The following ZNF536 variants were observed in gnomAD, a reference collection of about 807,000 sequenced individuals.
ZNF536 encodes the protein zinc finger protein 536.
In ZNF536, 13 loss-of-function variants were observed where a neutral mutation model predicts 84.5. That is an observed-to-expected ratio of 0.15 (90% CI 0.10 to 0.24). The LOEUF (loss-of-function observed/expected upper bound fraction) is 0.24, where lower values mean the gene tolerates loss of function less well. Ranked by LOEUF, ZNF536 falls within the 10% of genes least tolerant of loss-of-function variation. The pLI, the probability that ZNF536 is intolerant of heterozygous loss-of-function variation, is 1.00. For synonymous variants in ZNF536, 811 were observed against 742.5 expected (o/e 1.09, Z -1.50); for missense variants, 1,536 against 1,747.5 (o/e 0.88, Z 2.16).
intron 3 of ZNF536, among the ~76,000 whole-genome samples, chr19:30,535,993 A>G (rs1388060917): frequency 6.6e-6 from 1 of 152,036 alleles, no homozygotes; most frequent in Non-Finnish European, 1.5e-5. Context: ...TCTCCCTGAC[A>G]CCGAGGGAAG....
intron 1 of ZNF536, among the ~76,000 whole-genome samples, chr19:30,648,944 T>G (rs185024834): frequency 1.1e-4 from 16 of 152,324 alleles, no homozygotes; most frequent in African/African-American, 3.8e-4. Flanking sequence ...CTCTGAACTT[T>G]AGGGGGTTCT....
At chr19:30,321,165 G>T (rs1482745321) in intron 2 of ZNF536, among the ~76,000 whole-genome samples, 1 of 152,254 alleles carries the variant, frequency 6.6e-6, no homozygotes, top group East Asian at 1.9e-4. Context: ...AAATCCACCT[G>T]CCCCAGGCTC....
chr19:30,496,989 G>A (rs760758661), intron 2 of ZNF536, among the ~76,000 whole-genome samples: 1 of 152,166 alleles, frequency 6.6e-6, no homozygotes, highest in Non-Finnish European at 1.5e-5. Flanking sequence ...AGCCCTCTGG[G>A]GGAGCTTGGC....
intron 2 of ZNF536, among the ~76,000 whole-genome samples, chr19:30,457,553 C>T (rs549473054): frequency 1.3e-5 from 2 of 152,344 alleles, no homozygotes; most frequent in South Asian, 4.1e-4. Flanking sequence ...TAGGGGGCCT[C>T]CCCGAGGGAG....
intron 2 of ZNF536, among the ~76,000 whole-genome samples, chr19:30,515,576 G>C (rs1208328607): frequency 6.6e-6 from 1 of 152,078 alleles, no homozygotes; most frequent in African/African-American, 2.4e-5. Flanking sequence ...CAGCAGGAAG[G>C]CACCTCAGGA....
At chr19:30,386,389 T>A (rs1466004186) in intron 1 of ZNF536, among the ~76,000 whole-genome samples, 1 of 152,188 alleles carries the variant, frequency 6.6e-6, no homozygotes, top group East Asian at 1.9e-4. Context: ...TCTTACCTCC[T>A]TTTTTGAGAT....
intron 1 of ZNF536, among the ~76,000 whole-genome samples, chr19:30,253,641 C>T (rs2024740021): frequency 6.6e-6 from 1 of 152,190 alleles, no homozygotes; most frequent in South Asian, 2.1e-4. Flanking sequence ...CCTGCTTCCC[C>T]ACCCATGGGC....
At position 30,549,260 on chromosome 19, in the gene ZNF536, C is replaced by A; in HGVS notation, c.3641C>A (p.Thr1214Asn). ...DGGDSLQPTG[T>N]SQPVQGLVSP... is the part of the protein sequence containing the mutation. ...GGGGACAGCCTGCAGCCCACAGGCA[C>A]CTCCCAGCCCGTCCAGGGACTGGTC... is the stretch of plus-strand genomic sequence containing the variant. Residue 1214 changes from threonine (T) to asparagine (N), a missense_variant, in exon 4 of 5, where the codon ACC becomes AAC. Thr to Asn is a moderately conservative substitution (Grantham distance 65). Around this residue, in one of 8 missense-constraint regions of ZNF536, gnomAD observed 624 missense variants for 603.1 expected, o/e 1.03. Transcript: ENST00000355537. 6.2e-7 allele frequency: 1 copy of A among 1,613,916 alleles called. No individual in the cohort carries two copies. The highest frequency in any genetic ancestry group is 8.5e-7 in the Non-Finnish European group (1 of 1,180,040).
intron 1 of ZNF536, among the ~76,000 whole-genome samples, chr19:30,565,986 T>G (rs1325253435): frequency 6.6e-6 from 1 of 152,104 alleles, no homozygotes; most frequent in East Asian, 1.9e-4. Flanking sequence ...ATTTATAACG[T>G]CAGGCTGTGA....
In ZNF536 at chr19:30,642,425, T is replaced by C. The variant is rs75591478; in HGVS notation, c.170-68332T>C. ...TCCTCCATCTCTGGTGGACAGCTGA[T>C]GGCATTTGCCTTCCAGGTTAAGCCC... On this transcript the variant is annotated intron_variant, in intron 1 of 1. Transcript: ENST00000592773. Among the ~76,000 whole-genome samples, 328 of 152,226 alleles carry C rather than the reference T, an allele frequency of 2.2e-3. 17 individuals carry two copies. In the East Asian group the frequency reaches 0.06, roughly 28 times the overall value.
intron 2 of ZNF536, among the ~76,000 whole-genome samples, chr19:30,489,575 C>T (rs368870031): frequency 8.6e-5 from 13 of 151,734 alleles, no homozygotes; most frequent in Middle Eastern, 6.8e-3. Context: ...GAGTGAGACT[C>T]GGTCTCTAAA....
intron 2 of ZNF536, among the ~76,000 whole-genome samples, chr19:30,533,622 G>T (rs2044949545): frequency 2.0e-5 from 3 of 152,214 alleles, no homozygotes; most frequent in Non-Finnish European, 4.4e-5. Flanking sequence ...AACAGACGTT[G>T]AGGAATAAAA....
intron 2 of ZNF536, among the ~76,000 whole-genome samples, chr19:30,495,252 C>T (rs1273491771): frequency 1.3e-5 from 2 of 152,178 alleles, no homozygotes; most frequent in Admixed American, 6.5e-5. Flanking sequence ...GGCTGAGCTG[C>T]GTGAGACCCT....
At chr19:30,407,336 T>C (rs1376065938) in intron 1 of ZNF536, among the ~76,000 whole-genome samples, 1 of 152,210 alleles carries the variant, frequency 6.6e-6, no homozygotes, top group East Asian at 1.9e-4. Flanking sequence ...AACCATGATT[T>C]TCCTCTTCTC....
intron 1 of ZNF536, among the ~76,000 whole-genome samples, chr19:30,699,393 A>G (rs2051798459): frequency 6.6e-6 from 1 of 152,210 alleles, no homozygotes; most frequent in Admixed American, 6.5e-5. Context: ...TACCACACAG[A>G]TCAAAATGCA....
At chr19:30,359,633 C>T (rs968480690) in intron 3 of ZNF536, among the ~76,000 whole-genome samples, 3 of 152,090 alleles carry the variant, frequency 2.0e-5, no homozygotes, top group Non-Finnish European at 4.4e-5. Context: ...CTATCAATGT[C>T]GGCAGTGGGG....
chr19:30,256,710 T>G (rs1693543640), intron 1 of ZNF536, among the ~76,000 whole-genome samples: 1 of 152,178 alleles, frequency 6.6e-6, no homozygotes, highest in African/African-American at 2.4e-5. Context: ...TATTTGGGAT[T>G]CTGTTGTAAT....
downstream of ZNF536, among the ~76,000 whole-genome samples, chr19:30,562,902 T>C (rs2046223589): frequency 6.6e-6 from 1 of 152,182 alleles, no homozygotes; most frequent in African/African-American, 2.4e-5. Flanking sequence ...TTTGGAACAG[T>C]ATGCTCTGTC....
At chr19:30,462,663 G>A (rs1269676541) in intron 2 of ZNF536, among the ~76,000 whole-genome samples, 2 of 152,148 alleles carry the variant, frequency 1.3e-5, no homozygotes, top group Non-Finnish European at 2.9e-5. Context: ...TTGCTGTGTT[G>A]GCATGGGATG....
Sources: allele counts gnomAD v4.1 joint callset (sites outside exome capture counted in the v4.1 genomes callset), GRCh38; gene constraint gnomAD v4.1.1; regional missense constraint gnomAD v4.1.1; transcripts MANE v1.5; gene names NCBI Gene and HGNC (gene_info 2026-07-23, HGNC 2026-07-21).